MAST3: variants seen among roughly 807,000 people sequenced by gnomAD.
MAST3 encodes microtubule-associated serine/threonine-protein kinase 3.
MAST3 carries 43 observed loss-of-function variants against 127.0 expected under a neutral mutation model. The ratio of observed to expected loss-of-function variants is 0.34; its 90% confidence interval spans 0.27 to 0.44. MAST3 has a LOEUF of 0.44. Among genes scored for constraint, MAST3 ranks in the 20% least tolerant of loss-of-function variants. The pLI is 1.00. For synonymous variants in MAST3, 785 were observed against 809.2 expected (o/e 0.97, Z 0.51); for missense variants, 1,390 against 1,919.1 (o/e 0.72, Z 5.15).
chr19:18,149,101 G>A lies in MAST3; in HGVS notation c.3509-90G>A. ...ATGGGTGGCCACATGGAAGGATGTG[G>A]GCTTTAGCAGTTTTTGTCAGTCCCA... On this transcript the variant is annotated intron_variant, in intron 27 of 27. Coordinates refer to ENST00000687212, the MANE Select transcript of MAST3 (RefSeq NM_001393504.1). The surrounding 1 kb of genome is among the most constrained non-coding windows in gnomAD (Gnocchi z 5.9). The A allele has an allele frequency of 5.2e-6, 7 of 1,333,806 alleles. No individual in the cohort carries two copies. The highest frequency in any genetic ancestry group is 6.9e-6 in the Non-Finnish European group (7 of 1,021,830). The allele number at this position is 1,333,806 out of a possible 1,614,324, so 82.6% of individuals were successfully genotyped here.
rs2041838591 is a variant in MAST3, at chr19:18,135,853, G to T, written c.1972+12G>T. ...CCGTCTGGGCACTGGTATGTAGTGT[G>T]GGGGAGAACCCAGGTGGGTGGCTCC... On this transcript the variant is annotated intron_variant, in intron 18 of 27. Transcript: ENST00000687212. 6 of 1,587,470 alleles carry T rather than the reference G, an allele frequency of 3.8e-6. No individual in the cohort carries two copies. Among genetic ancestry groups the T allele is most frequent in the Non-Finnish European group, 5.2e-6 (6 of 1,163,994 alleles).
intron 13 of MAST3, among the ~76,000 whole-genome samples, chr19:18,129,873 C>T (rs974732267): frequency 2.1e-5 from 3 of 146,280 alleles, no homozygotes; most frequent in African/African-American, 7.6e-5. Context: ...TGCAGTGAGC[C>T]GAGATCACCC....
At chr19:18,116,105 T>TTTTC (rs1178897054) in intron 3 of MAST3, among the ~76,000 whole-genome samples, 1 of 134,066 alleles carries the variant, frequency 7.5e-6, no homozygotes, top group East Asian at 2.1e-4. Context: ...TTTTTTTTTT[T>TTTTC]TTTTTTGAGA....
chr19:18,126,377 C>T (rs1422227677), intron 11 of MAST3, among the ~76,000 whole-genome samples: 1 of 152,092 alleles, frequency 6.6e-6, no homozygotes, highest in Non-Finnish European at 1.5e-5. Context: ...AGGAGGTGAC[C>T]AGGTTGCAGA....
At chr19:18,118,861 C>T (rs1203813149) in intron 3 of MAST3, among the ~76,000 whole-genome samples, 1 of 152,128 alleles carries the variant, frequency 6.6e-6, no homozygotes, top group Non-Finnish European at 1.5e-5. Context: ...GCTTGGGTTT[C>T]TCATTGGTGC....
At chr19:18,103,765 G>A (rs1182456136) in intron 1 of MAST3, among the ~76,000 whole-genome samples, 5 of 152,120 alleles carry the variant, frequency 3.3e-5, no homozygotes, top group Non-Finnish European at 5.9e-5. Context: ...GTCACTTGTC[G>A]GGTCACACAG....
In MAST3 at chr19:18,141,977, C is replaced by T. The variant is rs1460426145; in HGVS notation, c.2301C>T (p.Ser767=). The T allele has an allele frequency of 1.3e-5, 20 of 1,541,536 alleles. No individual in the cohort carries two copies. Among genetic ancestry groups the T allele is most frequent in the South Asian group, 5.0e-5 (4 of 79,774 alleles). Residue 767 remains serine, a synonymous_variant, in exon 21 of 28, where the codon AGC becomes AGT. Transcript: ENST00000687212. ...ACCGGGAGGAGGGGTGGGAGCGCAGCGAAGTGGACTATGGCCGCCGGCTGA... is the reference window on the plus strand; with the variant it reads ...ACCGGGAGGAGGGGTGGGAGCGCAGTGAAGTGGACTATGGCCGCCGGCTGA... ...SEDREEGWER[S]EVDYGRRLSA... is the part of the protein sequence containing the mutation.
In MAST3 at chr19:18,124,502, C is replaced by G. The variant is rs771406965; in HGVS notation, c.945+136C>G. On this transcript the variant is annotated intron_variant, in intron 10 of 27. Coordinates refer to ENST00000687212, the MANE Select transcript of MAST3 (RefSeq NM_001393504.1). ...GGAACACAGGGTGCTATTGGGCTAG[C>G]GTGGGCTTCCCTAAGGAGGCAGCGG... 35 of 1,338,454 alleles carry G rather than the reference C, an allele frequency of 2.6e-5. No homozygotes were observed. In the Admixed American group the frequency reaches 3.6e-4, roughly 14 times the overall value. The allele number at this position is 1,338,454 out of a possible 1,614,324, so 82.9% of individuals were successfully genotyped here.
chr19:18,142,668 T>C (rs1279450237), intron 21 of MAST3, among the ~76,000 whole-genome samples: 1 of 151,564 alleles, frequency 6.6e-6, no homozygotes, highest in Non-Finnish European at 1.5e-5. Flanking sequence ...TTTTCTTTTT[T>C]TAAGAGACTG....
chr19:18,147,153 G>C, intron 26 of MAST3, 109 bp downstream of exon 26: 2 of 1,110,486 alleles, frequency 1.8e-6, no homozygotes, highest in Non-Finnish European at 2.4e-6. Flanking sequence ...GCCCAGGCTG[G>C]AGTGCAGTGG....
At chr19:18,118,681 T>A (rs1172050128) in intron 3 of MAST3, among the ~76,000 whole-genome samples, 1 of 152,094 alleles carries the variant, frequency 6.6e-6, no homozygotes, top group East Asian at 1.9e-4. Flanking sequence ...GGAGTCCAGA[T>A]AGTTGGGGTT....
At position 18,150,530 on chromosome 19, in the gene MAST3, A is replaced by T. The variant is rs1419732420; in HGVS notation, c.*804A>T. 1 of 152,244 alleles carries T rather than the reference A, an allele frequency of 6.6e-6. No homozygotes were observed. The highest frequency in any genetic ancestry group is 1.5e-5 in the Non-Finnish European group (1 of 68,048). 9.4% of individuals were successfully genotyped at this position (152,244 alleles called of 1,614,324 possible). A position where few individuals can be genotyped will look rare whatever the true frequency, so the allele number is the denominator to read the frequency against. ...CATTTGAGGGGATGGAGTTGAAGTC[A>T]CCTGGTCACCTGTACCGGCCCAGTT... On this transcript the variant is annotated 3_prime_UTR_variant, in exon 28 of 28. Coordinates refer to ENST00000687212, the MANE Select transcript of MAST3 (RefSeq NM_001393504.1).
rs368973182 is a variant in MAST3, at chr19:18,122,704, C to A, written c.352C>A (p.Leu118Ile). 5.0e-6 allele frequency: 8 copies of A among 1,613,610 alleles called. No individual in the cohort carries two copies. The highest frequency in any genetic ancestry group is 6.8e-6 in the Non-Finnish European group (8 of 1,179,722). ...ADGRRWSLASLPSSGYGTNTP... is the reference protein window; with the variant it reads ...ADGRRWSLASIPSSGYGTNTP... ...CGGCAGAAGATGGTCCCTCGCGTCT[C>A]TCCCATCTTCCGGCTATGGAACCAA... is the stretch of plus-strand genomic sequence containing the variant. Residue 118 changes from leucine to isoleucine, a missense_variant, in exon 6 of 28, where the codon CTC becomes ATC. This residue lies in a region of MAST3 where 45 missense variants were observed against 113.0 expected (regional missense o/e 0.40). Transcript: ENST00000687212.
At chr19:18,142,962 T>C (rs552525430) in intron 21 of MAST3, among the ~76,000 whole-genome samples, 1 of 151,656 alleles carries the variant, frequency 6.6e-6, no homozygotes, top group South Asian at 2.1e-4. Context: ...ACTCCAAAAA[T>C]TTAGCCGGGC....
Position 18,112,833 on chromosome 19 carries a change from T to A in MAST3, c.161+2092T>A, listed in dbSNP as rs1451744534. On this transcript the variant is annotated intron_variant, in intron 3 of 27. Transcript: ENST00000687212. The surrounding 1 kb of genome is among the most constrained non-coding windows in gnomAD (Gnocchi z 4.1). ...GAGAAAGTTCTGCTGGGGCCAGGAA[T>A]GGAGGTGGCCAGAGAGAAGGAGGTG... 6.6e-6 allele frequency among the ~76,000 whole-genome samples: 1 copy of A among 152,050 alleles called. No individual in the cohort carries two copies. Among genetic ancestry groups the A allele is most frequent in the Non-Finnish European group, 1.5e-5 (1 of 68,012 alleles).
intron 11 of MAST3, among the ~76,000 whole-genome samples, chr19:18,125,742 A>G (rs1242348010): frequency 6.8e-6 from 1 of 147,812 alleles, no homozygotes; most frequent in Non-Finnish European, 1.5e-5. Context: ...CTCTGTCTCA[A>G]AAAAAAAAAC....
At chr19:18,097,938 G>A in intron 1 of MAST3, 107 bp downstream of exon 1, 3 of 872,602 alleles carry the variant, frequency 3.4e-6, no homozygotes, top group Non-Finnish European at 4.5e-6. Flanking sequence ...GGGAAACTGA[G>A]GCAGAGGGTG....
chr19:18,116,577 G>T (rs1026320949), intron 3 of MAST3, among the ~76,000 whole-genome samples: 3 of 147,518 alleles, frequency 2.0e-5, no homozygotes, highest in Non-Finnish European at 4.5e-5. Context: ...TTACAGGCGT[G>T]AGCCACCACG....
chr19:18,112,011 G>C lies in MAST3; in HGVS notation c.161+1270G>C, dbSNP rs1180893313. On this transcript the variant is annotated intron_variant, in intron 3 of 27. Coordinates refer to ENST00000687212, the MANE Select transcript of MAST3 (RefSeq NM_001393504.1). This position sits in a 1 kb window ranked among gnomAD's most constrained non-coding sequence, Gnocchi z 4.1. ...TCTCAGTCAGCTTAGGGAATTCAGT[G>C]ATAAAACTAATGGATAAACAAGATG... Among the ~76,000 whole-genome samples the C allele has an allele frequency of 2.6e-5, 4 of 152,242 alleles. No individual in the cohort carries two copies. Among genetic ancestry groups the C allele is most frequent in the African/African-American group, 9.6e-5 (4 of 41,464 alleles).
Sources: allele counts gnomAD v4.1 joint callset (sites outside exome capture counted in the v4.1 genomes callset), GRCh38; gene constraint gnomAD v4.1.1; regional missense constraint gnomAD v4.1.1; non-coding constraint Gnocchi (gnomAD v3.1); transcripts MANE v1.5; gene names NCBI Gene and HGNC (gene_info 2026-07-23, HGNC 2026-07-21).